XYLT1: variants seen among roughly 807,000 people sequenced by gnomAD.
XYLT1 encodes the protein xylosyltransferase 1.
Under a neutral mutation model 91.3 loss-of-function variants are expected in XYLT1, and 36 were observed. The observed-to-expected ratio is 0.39, with a 90% CI of 0.30 to 0.52. The LOEUF (loss-of-function observed/expected upper bound fraction) is 0.52. XYLT1 is among the 20% of genes least tolerant of loss of function. XYLT1 has a pLI of 0.68. For synonymous variants in XYLT1, 588 were observed against 532.0 expected (o/e 1.11, Z -1.45); for missense variants, 1,242 against 1,284.5 (o/e 0.97, Z 0.51).
At chr16:17,178,783 T>C (rs1337567845) in intron 5 of XYLT1, among the ~76,000 whole-genome samples, 1 of 152,260 alleles carries the variant, frequency 6.6e-6, no homozygotes, top group Admixed American at 6.5e-5. Context: ...AATAAAAACT[T>C]TTGAGGCTGG....
At chr16:17,236,508 A>G (rs1286173641) in intron 3 of XYLT1, among the ~76,000 whole-genome samples, 3 of 151,780 alleles carry the variant, frequency 2.0e-5, no homozygotes, top group Non-Finnish European at 4.4e-5. Context: ...CCTCAGTGGG[A>G]CATCGGACTG....
chr16:17,386,957 A>T (rs1216549477), intron 1 of XYLT1, among the ~76,000 whole-genome samples: 1 of 152,184 alleles, frequency 6.6e-6, no homozygotes, highest in Non-Finnish European at 1.5e-5. Flanking sequence ...CTGAGGTTAG[A>T]TTATAAAAGG....
intron 3 of XYLT1, among the ~76,000 whole-genome samples, chr16:17,256,519 C>T (rs753505870): frequency 2.0e-4 from 30 of 152,036 alleles, no homozygotes; most frequent in Admixed American, 9.8e-4. Flanking sequence ...GGTGTGATGG[C>T]GGGCGCCTGT....
chr16:17,143,268 C>A (rs1219422538), intron 6 of XYLT1, among the ~76,000 whole-genome samples: 1 of 152,140 alleles, frequency 6.6e-6, no homozygotes, highest in African/African-American at 2.4e-5. Context: ...CTGTCACTGC[C>A]ACCATCATCA....
chr16:17,175,867 A>G (rs8059955), intron 5 of XYLT1, among the ~76,000 whole-genome samples: 40,740 of 152,052 alleles, frequency 0.27, 6,065 homozygotes, highest in South Asian at 0.47. Flanking sequence ...TACCTACCAC[A>G]GCTCACTGTC....
At chr16:17,234,778 A>T (rs1320352536) in intron 3 of XYLT1, among the ~76,000 whole-genome samples, 1 of 152,218 alleles carries the variant, frequency 6.6e-6, no homozygotes, top group African/African-American at 2.4e-5. Context: ...TGAACCCAGC[A>T]TTCCTTGGTG....
intron 1 of XYLT1, among the ~76,000 whole-genome samples, chr16:17,406,857 G>C (rs2036040074): frequency 1.3e-5 from 2 of 152,124 alleles, no homozygotes; most frequent in South Asian, 4.1e-4. Flanking sequence ...TATGTGCTTG[G>C]AATATATGAG....
chr16:17,179,214 G>A (rs2032011770), intron 5 of XYLT1, among the ~76,000 whole-genome samples: 1 of 152,110 alleles, frequency 6.6e-6, no homozygotes, highest in African/African-American at 2.4e-5. Context: ...AGAAGGGAAG[G>A]GTAGACACCA....
chr16:17,248,284 G>A (rs191918426), intron 3 of XYLT1, among the ~76,000 whole-genome samples: 15 of 152,298 alleles, frequency 9.8e-5, no homozygotes, highest in Middle Eastern at 3.4e-3. Context: ...TCGGCCACAT[G>A]GAACTGTGAG....
intron 2 of XYLT1, among the ~76,000 whole-genome samples, chr16:17,293,595 C>G (rs1170633270): frequency 7.0e-6 from 1 of 143,180 alleles, no homozygotes; most frequent in African/African-American, 2.6e-5. Flanking sequence ...TCAAGTGATT[C>G]TCCTGTCTCA....
At chr16:17,332,976 A>T (rs1281708834) in intron 2 of XYLT1, among the ~76,000 whole-genome samples, 1 of 152,216 alleles carries the variant, frequency 6.6e-6, no homozygotes, top group Non-Finnish European at 1.5e-5. Flanking sequence ...GTGACGGCAC[A>T]GGCAATTAGA....
At chr16:17,342,263 A>G (rs1372891068) in intron 2 of XYLT1, among the ~76,000 whole-genome samples, 1 of 152,060 alleles carries the variant, frequency 6.6e-6, no homozygotes, top group Non-Finnish European at 1.5e-5. Context: ...CTTTCTGCAG[A>G]GCTCCACCAC....
At chr16:17,339,544 C>G (rs12597017) in intron 2 of XYLT1, among the ~76,000 whole-genome samples, 62,947 of 152,036 alleles carry the variant, frequency 0.41, 14,098 homozygotes, top group Admixed American at 0.53. Context: ...TTTATATATA[C>G]TTTGACGGCT....
chr16:17,174,708 C>T (rs769807984), intron 5 of XYLT1, among the ~76,000 whole-genome samples: 68 of 152,250 alleles, frequency 4.5e-4, no homozygotes, highest in Admixed American at 7.2e-4. Flanking sequence ...TGATTATGCT[C>T]ATATACCATT....
At chr16:17,135,787 C>CCAGA (rs897938943) in intron 8 of XYLT1, among the ~76,000 whole-genome samples, 5 of 152,168 alleles carry the variant, frequency 3.3e-5, no homozygotes, top group African/African-American at 1.2e-4. Context: ...CAGTAAAAGG[C>CCAGA]CAGACAGTAA....
intron 5 of XYLT1, among the ~76,000 whole-genome samples, chr16:17,197,826 A>C (rs947600617): frequency 5.3e-5 from 8 of 152,196 alleles, no homozygotes; most frequent in Non-Finnish European, 1.0e-4. Flanking sequence ...CTCAGCTTGC[A>C]GACGGCCTAT....
At chr16:17,454,220 T>G (rs753766599) in intron 1 of XYLT1, among the ~76,000 whole-genome samples, 9 of 152,364 alleles carry the variant, frequency 5.9e-5, no homozygotes, top group Non-Finnish European at 8.8e-5. Context: ...TGTCCAAGAA[T>G]GTTCACAGCA....
intron 2 of XYLT1, among the ~76,000 whole-genome samples, chr16:17,282,384 G>C (rs2034070945): frequency 6.6e-6 from 1 of 152,326 alleles, no homozygotes; most frequent in Admixed American, 6.5e-5. Context: ...CTGCTTCAGG[G>C]AGCAAGTGAG....
At chr16:17,407,091 T>G (rs2036043321) in intron 1 of XYLT1, among the ~76,000 whole-genome samples, 1 of 152,164 alleles carries the variant, frequency 6.6e-6, no homozygotes, top group Admixed American at 6.5e-5. Context: ...AACCTCTGCC[T>G]CCGGAGTTCA....
Sources: allele counts gnomAD v4.1 joint callset (sites outside exome capture counted in the v4.1 genomes callset), GRCh38; gene constraint gnomAD v4.1.1; transcripts MANE v1.5; gene names NCBI Gene and HGNC (gene_info 2026-07-23, HGNC 2026-07-21).